The following NRXN3 variants were observed in gnomAD, a reference collection of about 807,000 sequenced individuals.
NRXN3 encodes neurexin 3.
Under a neutral mutation model 137.6 loss-of-function variants are expected in NRXN3, and 32 were observed. The ratio of observed to expected loss-of-function variants is 0.23; its 90% CI spans 0.18 to 0.31. NRXN3 has a LOEUF of 0.31. NRXN3 is among the 10% of genes least tolerant of loss of function. NRXN3 has a pLI of 1.00. For missense variants in NRXN3, 1,574 were observed against 2,062.5 expected, an observed-to-expected ratio of 0.76 and a Z score of 4.59; for synonymous variants, 798 against 784.5, an observed-to-expected ratio of 1.02 and a Z score of -0.29.
chr14:79,134,378 C>CA (rs976530798), intron 15 of NRXN3, among the ~76,000 whole-genome samples: 15 of 151,540 alleles, frequency 9.9e-5, no homozygotes, highest in East Asian at 1.9e-4. Context: ...TGAACGAAGA[C>CA]AAAAAAAATG....
chr14:78,991,926 G>A (rs1450703021), intron 15 of NRXN3, among the ~76,000 whole-genome samples: 1 of 152,152 alleles, frequency 6.6e-6, no homozygotes, highest in Admixed American at 6.5e-5. Flanking sequence ...TTCTTTGTGT[G>A]ACCCTGGTGG....
chr14:79,861,383 G>A lies in NRXN3; in HGVS notation c.4135G>A (p.Ala1379Thr), dbSNP rs760723868. The A allele has an allele frequency of 2.6e-6, 4 of 1,536,200 alleles. No individual in the cohort carries two copies. The highest frequency in any genetic ancestry group is 3.5e-6 in the Non-Finnish European group (4 of 1,146,930). ...TTCAATCTTCGAAGGTGGCTACAAA[G>A]CACATGCGCCCAAGTGGGAATCCAA... ...STSIFEGGYK[A>T]HAPKWESKDF... The change falls in exon 21 of 21, where the codon GCA becomes ACA. Residue 1379 changes from alanine to threonine, a missense_variant. Physicochemically the swap from Ala to Thr is moderately conservative, Grantham distance 58 (BLOSUM62 0). Coordinates refer to ENST00000335750, the MANE Select transcript of NRXN3 (RefSeq NM_001330195.2). The surrounding 1 kb of genome is among the most constrained non-coding windows in gnomAD (Gnocchi z 5.4).
chr14:79,843,075 G>A (rs1178149272), intron 20 of NRXN3, among the ~76,000 whole-genome samples: 1 of 152,062 alleles, frequency 6.6e-6, no homozygotes, highest in Non-Finnish European at 1.5e-5. Flanking sequence ...CTTATTTAAG[G>A]CTGAATAATA....
At chr14:78,524,674 A>G (rs1168631479) in intron 4 of NRXN3, among the ~76,000 whole-genome samples, 1 of 152,218 alleles carries the variant, frequency 6.6e-6, no homozygotes. Context: ...CTGAAACTTC[A>G]TGAGCCAGAT....
chr14:78,636,454 G>T (rs2152552562), intron 4 of NRXN3, among the ~76,000 whole-genome samples: 1 of 152,084 alleles, frequency 6.6e-6, no homozygotes, highest in East Asian at 1.9e-4. Context: ...TAGAACTAGG[G>T]TATCAGACCC....
intron 16 of NRXN3, among the ~76,000 whole-genome samples, chr14:79,633,799 A>T (rs2098380545): frequency 6.6e-6 from 1 of 152,206 alleles, no homozygotes. Flanking sequence ...CCTCCTGGAA[A>T]GATAGAGCCA....
At chr14:79,522,017 A>G (rs1039132774) in intron 16 of NRXN3, among the ~76,000 whole-genome samples, 1 of 152,122 alleles carries the variant, frequency 6.6e-6, no homozygotes, top group Non-Finnish European at 1.5e-5. Context: ...AGTCCTGGTG[A>G]GTCAGAGAAG....
chr14:78,376,928 A>T (rs1296939401), intron 4 of NRXN3, among the ~76,000 whole-genome samples: 1 of 152,248 alleles, frequency 6.6e-6, no homozygotes, highest in Non-Finnish European at 1.5e-5. Context: ...ACAAAAAGAT[A>T]TATACTTTGT....
chr14:79,719,402 G>GTGTATA (rs1555660544), intron 19 of NRXN3, among the ~76,000 whole-genome samples: 3 of 142,280 alleles, frequency 2.1e-5, no homozygotes, highest in Non-Finnish European at 3.0e-5. Flanking sequence ...ATATATGTGT[G>GTGTATA]TATATATATA....
chr14:78,190,042 C>T (rs1395437595), intron 1 of NRXN3, among the ~76,000 whole-genome samples: 1 of 152,224 alleles, frequency 6.6e-6, no homozygotes, highest in Non-Finnish European at 1.5e-5. Flanking sequence ...TCTCATCACC[C>T]TGAAGGCTGG....
intron 16 of NRXN3, among the ~76,000 whole-genome samples, chr14:79,594,695 A>AAG (rs1307556362): frequency 6.9e-6 from 1 of 144,752 alleles, no homozygotes; most frequent in Non-Finnish European, 1.5e-5. Flanking sequence ...GTCTTCAAAA[A>AAG]AAAATATATA....
chr14:79,330,806 G>A (rs978950449), intron 15 of NRXN3, among the ~76,000 whole-genome samples: 1 of 152,184 alleles, frequency 6.6e-6, no homozygotes, highest in African/African-American at 2.4e-5. Context: ...TCACTTTCCT[G>A]TTTAACCTTG....
intron 15 of NRXN3, among the ~76,000 whole-genome samples, chr14:79,039,783 CT>C (rs2099622127): frequency 6.6e-6 from 1 of 152,082 alleles, no homozygotes; most frequent in Non-Finnish European, 1.5e-5. Flanking sequence ...AACTAGACTC[CT>C]GGGCTCAAGC....
intron 16 of NRXN3, among the ~76,000 whole-genome samples, chr14:79,480,521 A>G (rs543465489): frequency 9.2e-5 from 14 of 152,332 alleles, no homozygotes; most frequent in Non-Finnish European, 2.1e-4. Context: ...AGGAGCATAT[A>G]GCAAAAACTA....
At chr14:79,602,212 TA>T (rs1451138173) in intron 16 of NRXN3, among the ~76,000 whole-genome samples, 2 of 152,322 alleles carry the variant, frequency 1.3e-5, no homozygotes, top group East Asian at 3.9e-4. Context: ...AGTTCTAGGC[TA>T]ACAATTTCAT....
chr14:78,980,264 G>A (rs1021308582), intron 14 of NRXN3, among the ~76,000 whole-genome samples: 1 of 152,164 alleles, frequency 6.6e-6, no homozygotes, highest in Admixed American at 6.5e-5. Flanking sequence ...TGGCCTCCAG[G>A]CCTGTCACTT....
intron 15 of NRXN3, among the ~76,000 whole-genome samples, chr14:79,198,352 A>T (rs757618482): frequency 1.1e-4 from 17 of 152,266 alleles, no homozygotes; most frequent in Non-Finnish European, 1.8e-4. Flanking sequence ...TAAATAAACC[A>T]ACAAGTGTCA....
At chr14:78,397,240 C>T (rs889850030) in intron 4 of NRXN3, among the ~76,000 whole-genome samples, 3 of 152,132 alleles carry the variant, frequency 2.0e-5, no homozygotes, top group Non-Finnish European at 2.9e-5. Context: ...GTTATTACTT[C>T]TTTAAGTACT....
intron 4 of NRXN3, among the ~76,000 whole-genome samples, chr14:78,458,581 A>G (rs987081808): frequency 1.3e-5 from 2 of 152,088 alleles, no homozygotes; most frequent in Non-Finnish European, 2.9e-5. Flanking sequence ...TTATATCTTT[A>G]TCTGTCTCTA....
Sources: gnomAD v4.1 joint callset for allele counts (sites outside exome capture counted in the v4.1 genomes callset) on GRCh38, gnomAD v4.1.1 for gene constraint, Gnocchi (gnomAD v3.1) non-coding constraint, MANE v1.5 for transcripts, NCBI Gene and HGNC (gene_info 2026-07-23, HGNC 2026-07-21) for gene names.